Variants in DSCC1 observed in about 807,000 individuals in gnomAD.
The protein encoded by DSCC1 is sister chromatid cohesion protein DCC1.
In DSCC1, 32 loss-of-function variants were observed where a neutral mutation model predicts 48.2. The observed-to-expected ratio is 0.66, with a 90% CI of 0.50 to 0.89. DSCC1 has a LOEUF of 0.89. DSCC1 is among the 40% of genes least tolerant of loss of function. DSCC1 has a pLI of 0.00. For missense variants in DSCC1, 421 were observed against 471.7 expected (o/e 0.89, Z 1.00); for synonymous variants, 150 against 171.5 (o/e 0.87, Z 0.98).
Position 119,834,909 on chromosome 8 carries a change from C to G in DSCC1, c.1166G>C (p.Arg389Thr). ...GTTGTTCTTTTAAGAAATGGGTCTTCTCGAATTATAAACTTTAACACCATT... is the reference window on the plus strand; with the variant it reads ...GTTGTTCTTTTAAGAAATGGGTCTTGTCGAATTATAAACTTTAACACCATT... The part of the protein sequence containing the change: ...MQNGVKVYNS[R>T]RPIS The change falls in exon 9 of 9, where the codon AGA (arginine) becomes ACA (threonine). Residue 389 changes from arginine (R) to threonine (T), a missense_variant. Arg to Thr is a moderately conservative substitution (Grantham distance 71). This residue lies in a region of DSCC1 where 238 missense variants were observed against 259.0 expected (regional missense o/e 0.92). Transcript: ENST00000313655. 5 of 1,602,554 alleles carry G rather than the reference C, an allele frequency of 3.1e-6. No homozygotes were observed. The highest frequency in any genetic ancestry group is 4.3e-6 in the Non-Finnish European group (5 of 1,172,026).
At position 119,834,658 on chromosome 8, in the gene DSCC1, T is replaced by C. The variant is rs559073747; in HGVS notation, c.*235A>G. On this transcript the variant is annotated 3_prime_UTR_variant, in exon 9 of 9. Transcript: ENST00000313655. ...AATCATAGAGACCTCAGACATAATA[T>C]AGGAAAGAATTCTTTTGTCCTTGTT... 2 of 387,888 alleles carry C rather than the reference T, an allele frequency of 5.2e-6. No homozygotes were observed. The highest frequency in any genetic ancestry group is 5.4e-5 in the East Asian group (1 of 18,398). 24.0% of individuals were successfully genotyped at this position (387,888 alleles called of 1,614,324 possible).
At chr8:119,838,477 AC>A in intron 7 of DSCC1, 70 bp from the exon 8 acceptor site, 1 of 1,437,806 alleles carries the variant, frequency 7.0e-7, no homozygotes. Flanking sequence ...TCATTCTTTT[AC>A]CTTTAGGTTT....
rs1826902059 is a variant in DSCC1, at chr8:119,848,945, G to GA, written c.486+1436dup. Among the ~76,000 whole-genome samples the GA allele has an allele frequency of 2.0e-5, 3 of 152,088 alleles. No individual in the cohort carries two copies. In the South Asian group the frequency reaches 6.2e-4, roughly 32 times the overall value. ...CAAGCCTGTAATCCTAGCACTTTGG[G>GA]AGGCCGAGGCGGGTGGATCACGAGG... On this transcript the variant is annotated intron_variant, in intron 3 of 8. Coordinates refer to ENST00000313655, the MANE Select transcript of DSCC1 (RefSeq NM_024094.3).
chr8:119,835,119 G>T (rs1041551695), intron 8 of DSCC1, 118 bp from the exon 9 acceptor site: 4 of 675,622 alleles, frequency 5.9e-6, no homozygotes, highest in Non-Finnish European at 4.8e-6. Flanking sequence ...AAGCGTAAGT[G>T]TAGGTGTTTG....
At chr8:119,841,031 G>T (rs147283299) in intron 7 of DSCC1, among the ~76,000 whole-genome samples, 3 of 150,628 alleles carry the variant, frequency 2.0e-5, no homozygotes, top group South Asian at 2.1e-4. Context: ...TTGCTCTGTC[G>T]CCCAGGCTGG....
intron 8 of DSCC1, 62 bp from the exon 9 acceptor site, chr8:119,835,063 C>T (rs1826659027): frequency 9.2e-7 from 1 of 1,091,322 alleles, no homozygotes. Flanking sequence ...TGATACAGTA[C>T]TATGTACTTA....
chr8:119,835,299 G>A (rs552498620), intron 8 of DSCC1, among the ~76,000 whole-genome samples: 4 of 152,302 alleles, frequency 2.6e-5, no homozygotes, highest in South Asian at 2.1e-4. Context: ...AAGGTCAGGA[G>A]TTGAAGATCA....
At chr8:119,850,307 A>C (rs1826926411) in intron 3 of DSCC1, 75 bp downstream of exon 3, 4 of 1,416,748 alleles carry the variant, frequency 2.8e-6, no homozygotes, top group Non-Finnish European at 3.7e-6. Flanking sequence ...AATTTTAAAA[A>C]GTAAGAATGT....
At chr8:119,839,475 C>A (rs1220423913) in intron 7 of DSCC1, 2 of 152,240 alleles carry the variant, frequency 1.3e-5, no homozygotes, top group Non-Finnish European at 2.9e-5. Context: ...TCCCCCATTA[C>A]CTATCTCTTT....
At position 119,850,707 on chromosome 8, in the gene DSCC1, A is replaced by G. The variant is rs6988701; in HGVS notation, c.352-191T>C. 5.7e-3 allele frequency among the ~76,000 whole-genome samples: 868 copies of G among 152,256 alleles called. 8 individuals carry two copies. Among genetic ancestry groups the G allele is most frequent in the African/African-American group, 0.02 (830 of 41,548 alleles). Reference sequence around the variant, plus strand: ...GGCATCCTCAAGAACATCTTTTCAAATCCCCTTAATAAGATACTGTCAACA... The same window carrying G: ...GGCATCCTCAAGAACATCTTTTCAAGTCCCCTTAATAAGATACTGTCAACA... On this transcript the variant is annotated intron_variant, in intron 2 of 8. Transcript: ENST00000313655.
At position 119,846,485 on chromosome 8, in the gene DSCC1, A is replaced by G. The variant is rs1586580297; in HGVS notation, c.577+505T>C. Reference sequence around the variant, plus strand: ...AAAAATTGGAAGGAGTCAAAGTGTGATTAAAGTCACTGGTAGCAGATTGAC... The same window carrying G: ...AAAAATTGGAAGGAGTCAAAGTGTGGTTAAAGTCACTGGTAGCAGATTGAC... On this transcript the variant is annotated intron_variant, in intron 4 of 8. Coordinates refer to ENST00000313655, the MANE Select transcript of DSCC1 (RefSeq NM_024094.3). 2.6e-5 allele frequency among the ~76,000 whole-genome samples: 4 copies of G among 152,200 alleles called. No individual in the cohort carries two copies. In the South Asian group the frequency reaches 8.3e-4, roughly 32 times the overall value.
rs143137070 is a variant in DSCC1 at position 119,853,204 on chromosome 8, C to T, written c.194G>A (p.Arg65His). Residue 65 changes from arginine (R) to histidine (H), a missense_variant, in exon 2 of 9, where the codon CGT (arginine) becomes CAT (histidine). This residue lies in a region of DSCC1 where 174 missense variants were observed against 184.5 expected (regional missense o/e 0.94). Coordinates refer to ENST00000313655, the MANE Select transcript of DSCC1 (RefSeq NM_024094.3). The stretch of plus-strand genomic sequence containing the variant: ...CACAGCTTGCTCGTCTTTATCACCA[C>T]GAATCACAAGACTGTAGCAAAATGG... ...QLEDGHSLVI[R>H]GDKDEQAVLC... 3.3e-5 allele frequency: 53 copies of T among 1,607,494 alleles called. No individual in the cohort carries two copies. The highest frequency in any genetic ancestry group is 4.2e-5 in the Non-Finnish European group (49 of 1,176,102).
intron 4 of DSCC1, among the ~76,000 whole-genome samples, chr8:119,845,168 C>T (rs1163078414): frequency 6.6e-6 from 1 of 151,998 alleles, no homozygotes; most frequent in Non-Finnish European, 1.5e-5. Context: ...TCACTGCAAC[C>T]TCCACCTCCC....
Position 119,835,015 on chromosome 8 carries a change from A to C in DSCC1, c.1074-14T>G. 1 of 1,483,178 alleles carries C rather than the reference A, an allele frequency of 6.7e-7. No individual in the cohort carries two copies. The highest frequency in any genetic ancestry group is 1.4e-5 in the African/African-American group (1 of 71,112). The allele number at this position is 1,483,178 out of a possible 1,614,324, so 91.9% of individuals were successfully genotyped here. On this transcript the variant is annotated splice_polypyrimidine_tract_variant and intron_variant, in intron 8 of 8. Transcript: ENST00000313655. ...CCACACAAATCTCTGTAGGAACAATAAAAAATATATAACATGAATATTTTA... is the reference window on the plus strand; with the variant it reads ...CCACACAAATCTCTGTAGGAACAATCAAAAATATATAACATGAATATTTTA...
intron 7 of DSCC1, chr8:119,839,533 G>A (rs1826736587): frequency 6.6e-6 from 1 of 152,260 alleles, no homozygotes; most frequent in African/African-American, 2.4e-5. Context: ...AGCCTGCACA[G>A]TAATCCTTTT....
chr8:119,845,923 TG>T (rs1174462203), intron 4 of DSCC1, among the ~76,000 whole-genome samples: 2 of 151,960 alleles, frequency 1.3e-5, no homozygotes, highest in East Asian at 3.9e-4. Flanking sequence ...TACTCCAGCC[TG>T]GGTGACAGAG....
intron 3 of DSCC1, among the ~76,000 whole-genome samples, chr8:119,847,695 C>T (rs1215882758): frequency 2.2e-5 from 3 of 135,238 alleles, no homozygotes; most frequent in African/African-American, 5.6e-5. Context: ...GACGGAGTTT[C>T]GCTCTTGTTG....
intron 3 of DSCC1, among the ~76,000 whole-genome samples, chr8:119,849,293 C>T (rs1325674305): frequency 1.3e-5 from 2 of 151,672 alleles, no homozygotes; most frequent in South Asian, 2.1e-4. Context: ...GTAATCCCAG[C>T]TATTCGGGAG....
At chr8:119,843,137 A>G (rs1308516239) in intron 5 of DSCC1, among the ~76,000 whole-genome samples, 1 of 132,354 alleles carries the variant, frequency 7.6e-6, no homozygotes, top group Non-Finnish European at 1.6e-5. Flanking sequence ...TTTTTTTTTG[A>G]GAGTGCAGTA....
Sources: gnomAD v4.1 joint callset for allele counts (sites outside exome capture counted in the v4.1 genomes callset) on GRCh38, gnomAD v4.1.1 for gene constraint, gnomAD v4.1.1 regional missense constraint, MANE v1.5 for transcripts, NCBI Gene and HGNC (gene_info 2026-07-23, HGNC 2026-07-21) for gene names.